The following PCED1B variants were observed in gnomAD, a reference collection of about 807,000 sequenced individuals.
PCED1B encodes the protein PC-esterase domain containing 1B.
For missense variants in PCED1B, 573 were observed against 573.9 expected (o/e 1.00, Z 0.02); for synonymous variants, 251 against 246.1 (o/e 1.02, Z -0.19).
At chr12:47,159,450 GA>G (rs1941299689) in intron 2 of PCED1B, among the ~76,000 whole-genome samples, 1 of 152,116 alleles carries the variant, frequency 6.6e-6, no homozygotes, top group Admixed American at 6.5e-5. Flanking sequence ...TAATTGGGAT[GA>G]GATGATATCT....
At chr12:47,108,542 C>T (rs1939055362) in intron 2 of PCED1B, among the ~76,000 whole-genome samples, 3 of 152,260 alleles carry the variant, frequency 2.0e-5, no homozygotes, top group Middle Eastern at 6.8e-3. Flanking sequence ...CTAATCTTTT[C>T]GATTAAATTG....
At chr12:47,173,561 C>T (rs1042003222) in intron 2 of PCED1B, among the ~76,000 whole-genome samples, 1 of 151,530 alleles carries the variant, frequency 6.6e-6, no homozygotes, top group African/African-American at 2.4e-5. Flanking sequence ...CTGTTAGCTC[C>T]TTAATTCTGT....
At chr12:47,126,349 G>A (rs547084439) in intron 2 of PCED1B, among the ~76,000 whole-genome samples, 94 of 152,132 alleles carry the variant, frequency 6.2e-4, no homozygotes, top group African/African-American at 2.2e-3. Context: ...TGTATTCCTG[G>A]AGTAAACCCA....
chr12:47,234,988 TTC>T lies in PCED1B; in HGVS notation c.-57-14_-57-13del, dbSNP rs1943926393. 6 of 1,392,130 alleles carry T rather than the reference TTC, an allele frequency of 4.3e-6. No individual in the cohort carries two copies. The highest frequency in any genetic ancestry group is 1.5e-5 in the South Asian group (1 of 64,568). The allele number at this position is 1,392,130 out of a possible 1,614,324, so 86.2% of individuals were successfully genotyped here. Reference sequence around the variant, plus strand: ...CCCAGAGGTGAGTCCCTCCCAGCCCTTCTCTCCTTCTGTCCTAGCCATCCGCA... The same window carrying T: ...CCCAGAGGTGAGTCCCTCCCAGCCCTTCTCCTTCTGTCCTAGCCATCCGCA... On this transcript the variant is annotated splice_polypyrimidine_tract_variant and intron_variant, in intron 3 of 3. Coordinates refer to ENST00000546455, the MANE Select transcript of PCED1B (RefSeq NM_138371.3).
intron 2 of PCED1B, among the ~76,000 whole-genome samples, chr12:47,146,088 G>C (rs1940773545): frequency 6.6e-6 from 1 of 152,190 alleles, no homozygotes; most frequent in Non-Finnish European, 1.5e-5. Flanking sequence ...TTTGGAAGAA[G>C]TTGATTCCAG....
At chr12:47,145,884 G>A (rs1343076353) in intron 2 of PCED1B, among the ~76,000 whole-genome samples, 1 of 152,184 alleles carries the variant, frequency 6.6e-6, no homozygotes, top group Non-Finnish European at 1.5e-5. Flanking sequence ...ATGGATCAAG[G>A]AGTAATTTCA....
chr12:47,234,873 G>A (rs771217304), intron 3 of PCED1B, 134 bp from the exon 4 acceptor site: 7 of 432,060 alleles, frequency 1.6e-5, no homozygotes, highest in Non-Finnish European at 2.4e-5. Flanking sequence ...TGTTATGCGG[G>A]CACTCCAGGT....
At chr12:47,215,790 C>T (rs1203067079) in intron 2 of PCED1B, among the ~76,000 whole-genome samples, 3 of 148,960 alleles carry the variant, frequency 2.0e-5, no homozygotes, top group African/African-American at 7.5e-5. Flanking sequence ...CATGGTGGCT[C>T]ACCCCTATAA....
intron 2 of PCED1B, among the ~76,000 whole-genome samples, chr12:47,132,454 TAA>T (rs1411738540): frequency 1.3e-5 from 2 of 152,186 alleles, no homozygotes; most frequent in African/African-American, 2.4e-5. Flanking sequence ...ATGGGGGAAT[TAA>T]ACGGCTTGCA....
chr12:47,236,336 G>A lies in PCED1B; in HGVS notation c.1273G>A (p.Ala425Thr). 6.2e-7 allele frequency: 1 copy of A among 1,607,790 alleles called. No homozygotes were observed. The highest frequency in any genetic ancestry group is 8.5e-7 in the Non-Finnish European group (1 of 1,177,290). ...RPRPSKRRAP[A>T]NPEPRPQ The stretch of plus-strand genomic sequence containing the variant: ...TCGACCTTCAAAGAGAAGGGCCCCA[G>A]CCAATCCTGAGCCAAGGCCTCAATA... Residue 425 changes from alanine to threonine, a missense_variant, in exon 4 of 4, where the codon GCC (alanine) becomes ACC (threonine). By Grantham distance (58) the Ala-to-Thr change is moderately conservative. Coordinates refer to ENST00000546455, the MANE Select transcript of PCED1B (RefSeq NM_138371.3).
chr12:47,097,435 T>G (rs966489155), intron 1 of PCED1B, among the ~76,000 whole-genome samples: 1 of 152,206 alleles, frequency 6.6e-6, no homozygotes, highest in Non-Finnish European at 1.5e-5. Flanking sequence ...AAGCCACGCC[T>G]AAGGGAAGAA....
rs370503180 is a variant in PCED1B at position 47,185,151 on chromosome 12, C to G, written c.-525-31071C>G. 2.6e-4 allele frequency among the ~76,000 whole-genome samples: 39 copies of G among 152,226 alleles called. 1 individual carries two copies. Among genetic ancestry groups the G allele is most frequent in the African/African-American group, 9.4e-4 (39 of 41,528 alleles). ...GGCCTTTATATGGATTGAACTGTGT[C>G]CCCAAAAAAGATATGTTGATATCCT... is the stretch of plus-strand genomic sequence containing the variant. On this transcript the variant is annotated intron_variant, in intron 2 of 3. Transcript: ENST00000546455.
At chr12:47,220,227 A>G (rs1943436513) in intron 3 of PCED1B, among the ~76,000 whole-genome samples, 1 of 152,122 alleles carries the variant, frequency 6.6e-6, no homozygotes, top group Non-Finnish European at 1.5e-5. Context: ...GCTGGAGTGC[A>G]GTGGCGCGAT....
intron 1 of PCED1B, among the ~76,000 whole-genome samples, chr12:47,085,284 C>T (rs905376007): frequency 1.3e-5 from 2 of 152,210 alleles, no homozygotes; most frequent in Admixed American, 6.5e-5. Flanking sequence ...TCCTCTGTTG[C>T]CCAAGTCCCG....
intron 2 of PCED1B, among the ~76,000 whole-genome samples, chr12:47,161,654 C>G (rs1219014913): frequency 6.6e-6 from 1 of 152,210 alleles, no homozygotes; most frequent in East Asian, 1.9e-4. Flanking sequence ...AACACTTTTA[C>G]ACCATTGGTG....
At chr12:47,158,826 CT>C (rs1246341225) in intron 2 of PCED1B, among the ~76,000 whole-genome samples, 1 of 152,118 alleles carries the variant, frequency 6.6e-6, no homozygotes, top group Non-Finnish European at 1.5e-5. Context: ...TTGTTATTAA[CT>C]ATAGTAACCC....
chr12:47,173,023 TC>T (rs1941802235), intron 2 of PCED1B, among the ~76,000 whole-genome samples: 1 of 152,026 alleles, frequency 6.6e-6, no homozygotes, highest in African/African-American at 2.4e-5. Context: ...GAGGAGAAAA[TC>T]AACTGAGACA....
chr12:47,125,892 C>A (rs539576254), intron 2 of PCED1B, among the ~76,000 whole-genome samples: 1 of 151,914 alleles, frequency 6.6e-6, no homozygotes. Context: ...TAGTTCAAAT[C>A]GTTTTTTAAA....
At position 47,227,136 on chromosome 12, in the gene PCED1B, C is replaced by CTGTT. The variant is rs546746344; in HGVS notation, c.-57-7853_-57-7850dup. Among the ~76,000 whole-genome samples, 165 of 151,618 alleles carry CTGTT rather than the reference C, an allele frequency of 1.1e-3. 1 individual carries two copies. Among genetic ancestry groups the CTGTT allele is most frequent in the African/African-American group, 3.4e-3 (140 of 41,200 alleles). ...AACTTCATTTCCATTTCAGGTTTTT[C>CTGTT]TGTTTGTTTGTTTGTTTGTTTTGTT... On this transcript the variant is annotated intron_variant, in intron 3 of 3. Coordinates refer to ENST00000546455, the MANE Select transcript of PCED1B (RefSeq NM_138371.3).
Sources: allele counts gnomAD v4.1 joint callset (sites outside exome capture counted in the v4.1 genomes callset), GRCh38; gene constraint gnomAD v4.1.1; transcripts MANE v1.5; gene names NCBI Gene and HGNC (gene_info 2026-07-23, HGNC 2026-07-21).